SV2C: variants seen among roughly 807,000 people sequenced by gnomAD.
SV2C encodes synaptic vesicle glycoprotein 2C, also known as solute carrier family 22 member B3.
Under a neutral mutation model 79.7 loss-of-function variants are expected in SV2C, and 49 were observed. That is an observed-to-expected ratio of 0.61 (90% confidence interval 0.49 to 0.78). SV2C has a LOEUF of 0.78. Among genes scored for constraint, SV2C ranks in the 30% least tolerant of loss-of-function variants. SV2C has a pLI of 0.00. For missense variants in SV2C, 833 were observed against 912.9 expected, an observed-to-expected ratio of 0.91 and a Z score of 1.13; for synonymous variants, 334 against 333.2, an observed-to-expected ratio of 1.00 and a Z score of -0.03.
At chr5:76,235,180 CA>C (rs11336133) in intron 4 of SV2C, among the ~76,000 whole-genome samples, 48,677 of 130,636 alleles carry the variant, frequency 0.37, 8,116 homozygotes, top group South Asian at 0.56. Context: ...GAGAAAAGGG[CA>C]AAAAAAAAAA....
chr5:75,911,482 C>A, the SV2C span: 1 of 838,590 alleles, frequency 1.2e-6, no homozygotes, highest in Non-Finnish European at 1.9e-6. Context: ...ACCCTCCAGT[C>A]CTCCAGCCTC....
chr5:76,090,868 C>T (rs879224998), intron 1 of SV2C, among the ~76,000 whole-genome samples: 3 of 152,148 alleles, frequency 2.0e-5, no homozygotes, highest in Non-Finnish European at 2.9e-5. Flanking sequence ...AGCTGAGTCA[C>T]GCAGCACGGA....
chr5:75,922,368 T>G, the SV2C span, among the ~76,000 whole-genome samples: 2 of 152,136 alleles, frequency 1.3e-5, no homozygotes, highest in African/African-American at 4.8e-5. Flanking sequence ...TGGCTAATTT[T>G]AATTTTAAAA....
chr5:76,233,422 A>T (rs1466631238), intron 4 of SV2C, among the ~76,000 whole-genome samples: 8 of 138,368 alleles, frequency 5.8e-5, no homozygotes, highest in African/African-American at 2.6e-4. Context: ...CTAATTGAAT[A>T]CCCTTTATTT....
At chr5:76,025,018 G>A in the SV2C span, among the ~76,000 whole-genome samples, 2 of 152,100 alleles carry the variant, frequency 1.3e-5, no homozygotes, top group Non-Finnish European at 2.9e-5. Flanking sequence ...TCCTTACCCA[G>A]TGCTGCCTTC....
At chr5:75,885,236 T>C in the SV2C span, among the ~76,000 whole-genome samples, 1 of 152,132 alleles carries the variant, frequency 6.6e-6, no homozygotes, top group Non-Finnish European at 1.5e-5. Context: ...TGATGGGACA[T>C]TTATCAATTT....
intron 2 of SV2C, among the ~76,000 whole-genome samples, chr5:76,162,880 G>A (rs1742935792): frequency 6.6e-6 from 1 of 152,202 alleles, no homozygotes; most frequent in Admixed American, 6.5e-5. Flanking sequence ...TTTGCCTGAT[G>A]TCTTTAGTGC....
chr5:75,898,983 C>T, the SV2C span, among the ~76,000 whole-genome samples: 5 of 152,134 alleles, frequency 3.3e-5, no homozygotes, highest in South Asian at 2.1e-4. Context: ...GTCTTGCTAG[C>T]GGTCTAACAA....
At chr5:76,009,513 G>T in the SV2C span, among the ~76,000 whole-genome samples, 3 of 152,188 alleles carry the variant, frequency 2.0e-5, no homozygotes, top group Non-Finnish European at 4.4e-5. Flanking sequence ...ATCAACCCAG[G>T]TGCCTGTCAG....
the SV2C span, among the ~76,000 whole-genome samples, chr5:75,937,745 G>A: frequency 6.6e-6 from 1 of 151,974 alleles, no homozygotes; most frequent in Non-Finnish European, 1.5e-5. Flanking sequence ...AAACAAAACT[G>A]TGCCATTACT....
At chr5:76,121,828 C>A (rs1317162349) in intron 1 of SV2C, among the ~76,000 whole-genome samples, 2 of 151,648 alleles carry the variant, frequency 1.3e-5, no homozygotes, top group South Asian at 2.1e-4. Context: ...GTTCTTTTGG[C>A]TTAGGATTGA....
the SV2C span, among the ~76,000 whole-genome samples, chr5:76,033,371 A>G: frequency 6.6e-6 from 1 of 152,194 alleles, no homozygotes; most frequent in African/African-American, 2.4e-5. Flanking sequence ...TAGGGTTTCT[A>G]TGGTATTAGG....
the SV2C span, among the ~76,000 whole-genome samples, chr5:75,881,705 A>G: frequency 3.3e-5 from 5 of 152,100 alleles, no homozygotes; most frequent in East Asian, 7.7e-4. Flanking sequence ...GGGCTGAGAC[A>G]ATGGGGTTTT....
chr5:76,006,829 T>C, the SV2C span, among the ~76,000 whole-genome samples: 6 of 152,126 alleles, frequency 3.9e-5, no homozygotes, highest in African/African-American at 1.4e-4. Flanking sequence ...ATGCCTTCAG[T>C]CACATTAGTC....
At chr5:76,242,364 C>T (rs1030517134) in intron 4 of SV2C, 8 of 1,157,132 alleles carry the variant, frequency 6.9e-6, no homozygotes, top group Non-Finnish European at 1.0e-5. Context: ...GGGCTTTGGT[C>T]GGACCGGGGG....
the SV2C span, among the ~76,000 whole-genome samples, chr5:75,955,617 A>C: frequency 2.0e-5 from 3 of 147,026 alleles, no homozygotes; most frequent in African/African-American, 7.6e-5. Flanking sequence ...CAACCTACAA[A>C]ATGGGAGAAA....
At chr5:75,991,464 C>T in the SV2C span, among the ~76,000 whole-genome samples, 2 of 150,198 alleles carry the variant, frequency 1.3e-5, no homozygotes, top group Non-Finnish European at 3.0e-5. Context: ...GTAATTTTTT[C>T]TTTATGGTTT....
At chr5:75,860,069 C>T in the SV2C span, among the ~76,000 whole-genome samples, 9 of 152,184 alleles carry the variant, frequency 5.9e-5, no homozygotes, top group African/African-American at 2.2e-4. Flanking sequence ...CTGCTGGACT[C>T]GGGGTACCCA....
chr5:76,284,601 G>A (rs1029023987), intron 4 of SV2C, among the ~76,000 whole-genome samples: 2 of 152,226 alleles, frequency 1.3e-5, no homozygotes, highest in African/African-American at 2.4e-5. Context: ...TGTGGCTGCT[G>A]TGAAAGAAGG....
Sources: allele counts gnomAD v4.1 joint callset (sites outside exome capture counted in the v4.1 genomes callset), GRCh38; gene constraint gnomAD v4.1.1; transcripts MANE v1.5; gene names NCBI Gene and HGNC (gene_info 2026-07-23, HGNC 2026-07-21).